Variants in MYO1E observed in about 807,000 individuals in gnomAD.
MYO1E encodes myosin IE, also known as unconventional myosin-Ie.
A neutral mutation model predicts 151.1 loss-of-function variants in MYO1E; 68 were observed. The observed-to-expected ratio is 0.45, with a 90% CI of 0.37 to 0.55. MYO1E has a LOEUF of 0.55. Among genes scored for constraint, MYO1E ranks in the 20% least tolerant of loss-of-function variants. The pLI, the probability that MYO1E is intolerant of heterozygous loss-of-function variation, is 0.00. For synonymous variants in MYO1E, 601 were observed against 501.7 expected (o/e 1.20, Z -2.64); for missense variants, 1,363 against 1,389.3 (o/e 0.98, Z 0.30).
intron 13 of MYO1E, 182 bp from the exon 14 acceptor site, chr15:59,209,030 C>T (rs1307517610): frequency 5.5e-6 from 4 of 724,860 alleles, no homozygotes; most frequent in Non-Finnish European, 9.2e-6. Flanking sequence ...CCACTTAGAT[C>T]TAAAGAGGGA....
chr15:59,305,520 T>A (rs566580395), intron 1 of MYO1E, among the ~76,000 whole-genome samples: 1 of 152,262 alleles, frequency 6.6e-6, no homozygotes, highest in South Asian at 2.1e-4. Context: ...TAAATGAAAC[T>A]TCTACTTAGA....
At chr15:59,310,859 T>C (rs1386099145) in intron 1 of MYO1E, among the ~76,000 whole-genome samples, 2 of 152,114 alleles carry the variant, frequency 1.3e-5, no homozygotes, top group Admixed American at 6.6e-5. Flanking sequence ...CTCAGAATTA[T>C]GGTTCTAAAG....
intron 12 of MYO1E, among the ~76,000 whole-genome samples, chr15:59,213,786 A>AC (rs1221806121): frequency 3.4e-4 from 52 of 152,340 alleles, no homozygotes; most frequent in Non-Finnish European, 5.6e-4. Flanking sequence ...AAGAAACTAT[A>AC]CCAAGGCATG....
At position 59,223,087 on chromosome 15, in the gene MYO1E, G is replaced by A; in HGVS notation, c.882C>T (p.Gly294=). ...HLGNISFKEV[G]NYAAVESEEF... ...CTTCACTCTCCACAGCCGCGTAGTT[G>A]CCAACTTCTTTGAAGCTGATGTTTC... Residue 294 remains glycine, a synonymous_variant, in exon 9 of 28, where the codon GGC becomes GGT. Transcript: ENST00000288235. 2 of 1,613,860 alleles carry A rather than the reference G, an allele frequency of 1.2e-6. No individual in the cohort carries two copies. The highest frequency in any genetic ancestry group is 2.2e-5 in the South Asian group (2 of 91,068).
At chr15:59,312,326 C>T (rs184967313) in intron 1 of MYO1E, among the ~76,000 whole-genome samples, 8 of 152,244 alleles carry the variant, frequency 5.3e-5, no homozygotes, top group African/African-American at 7.2e-5. Flanking sequence ...GAGAAAAGAT[C>T]GTGTGCACTA....
In MYO1E at chr15:59,303,412, C is replaced by CT. The variant is rs551127330; in HGVS notation, c.4-30964dup. Among the ~76,000 whole-genome samples, 7 of 152,192 alleles carry CT rather than the reference C, an allele frequency of 4.6e-5. No homozygotes were observed. The East Asian group carries it at 1.2e-3, about 25-fold the overall frequency. ...CTGGGCAACACAGTGAGACCCTTTC[C>CT]TAGCTACTGAGGAGGCTGAGGCAGG... On this transcript the variant is annotated intron_variant, in intron 1 of 27. Coordinates refer to ENST00000288235, the MANE Select transcript of MYO1E (RefSeq NM_004998.4).
At chr15:59,181,134 C>T (rs758469759) in intron 18 of MYO1E, among the ~76,000 whole-genome samples, 1 of 152,190 alleles carries the variant, frequency 6.6e-6, no homozygotes, top group African/African-American at 2.4e-5. Context: ...TCCACCACTC[C>T]GTGCTTTCCT....
At chr15:59,202,267 T>G (rs1048105487) in intron 16 of MYO1E, 59 bp downstream of exon 16, 107 of 1,482,450 alleles carry the variant, frequency 7.2e-5, no homozygotes, top group Non-Finnish European at 9.9e-5. Flanking sequence ...TGCAGTTCCT[T>G]ACTCCTAGAA....
At chr15:59,245,155 GC>G (rs1450349131) in intron 4 of MYO1E, among the ~76,000 whole-genome samples, 1 of 152,162 alleles carries the variant, frequency 6.6e-6, no homozygotes, top group Non-Finnish European at 1.5e-5. Flanking sequence ...ACTCAGGAGA[GC>G]CCTGAAAAGC....
At chr15:59,323,278 A>C (rs1232686188) in intron 1 of MYO1E, among the ~76,000 whole-genome samples, 1 of 152,020 alleles carries the variant, frequency 6.6e-6, no homozygotes, top group Non-Finnish European at 1.5e-5. Flanking sequence ...AACTAAACCA[A>C]TGGTTTTGAT....
At chr15:59,334,692 G>A (rs2080718019) in intron 1 of MYO1E, among the ~76,000 whole-genome samples, 1 of 152,186 alleles carries the variant, frequency 6.6e-6, no homozygotes, top group Non-Finnish European at 1.5e-5. Context: ...GTCTCTGAAA[G>A]ACGATTATAC....
intron 2 of MYO1E, chr15:59,264,770 T>G (rs934188573): frequency 6.6e-6 from 1 of 152,270 alleles, no homozygotes; most frequent in Non-Finnish European, 1.5e-5. Context: ...CCTGTAGTCC[T>G]AGCACTTCGG....
intron 1 of MYO1E, among the ~76,000 whole-genome samples, chr15:59,301,676 T>C (rs1262125902): frequency 6.6e-6 from 1 of 152,208 alleles, no homozygotes. Context: ...TATTCTGCCA[T>C]GACCTGGCAG....
rs539942203 is a variant in MYO1E, at chr15:59,205,329, A to C, written c.1616+71T>G. On this transcript the variant is annotated intron_variant, in intron 15 of 27. Transcript: ENST00000288235. ...AGGAACACACCACCACACCCAGCTC[A>C]TAAGTTTGTTTTCATATTGAAAATT... 3.0e-5 allele frequency: 44 copies of C among 1,455,566 alleles called. No individual in the cohort carries two copies. The Middle Eastern group carries it at 8.6e-4, about 28-fold the overall frequency. 90.2% of individuals were successfully genotyped at this position (1,455,566 alleles called of 1,614,324 possible). A position where few individuals can be genotyped will look rare whatever the true frequency, so the allele number is the denominator to read the frequency against.
intron 1 of MYO1E, among the ~76,000 whole-genome samples, chr15:59,313,053 G>A (rs559701332): frequency 1.3e-5 from 2 of 152,234 alleles, no homozygotes; most frequent in African/African-American, 4.8e-5. Flanking sequence ...TGGGGGTGGG[G>A]CCCAGCAATC....
chr15:59,225,193 T>C (rs756843486), intron 7 of MYO1E, among the ~76,000 whole-genome samples: 7 of 152,242 alleles, frequency 4.6e-5, no homozygotes, highest in Non-Finnish European at 8.8e-5. Flanking sequence ...AAAACTGCCA[T>C]GCAGCTTCCT....
At chr15:59,221,553 T>C (rs2079956637) in intron 9 of MYO1E, among the ~76,000 whole-genome samples, 1 of 152,114 alleles carries the variant, frequency 6.6e-6, no homozygotes, top group Non-Finnish European at 1.5e-5. Flanking sequence ...TATTACCAAA[T>C]GAACAAAACC....
At chr15:59,329,224 A>C (rs2080684436) in intron 1 of MYO1E, among the ~76,000 whole-genome samples, 1 of 152,214 alleles carries the variant, frequency 6.6e-6, no homozygotes, top group African/African-American at 2.4e-5. Context: ...CTTACAATCT[A>C]GTAAAGACTC....
At position 59,161,149 on chromosome 15, in the gene MYO1E, A is replaced by G; in HGVS notation, c.2709T>C (p.Phe903=). The G allele has an allele frequency of 1.2e-6, 2 of 1,614,102 alleles. No individual in the cohort carries two copies. The highest frequency in any genetic ancestry group is 1.7e-6 in the Non-Finnish European group (2 of 1,180,024). ...TGGGCTTGAGGACAGCCAGGTCCCCAAACCCTTGGTGGAACTGCACTTGCC... is the reference window on the plus strand; with the variant it reads ...TGGGCTTGAGGACAGCCAGGTCCCCGAACCCTTGGTGGAACTGCACTTGCC... ...GSRQVQFHQG[F]GDLAVLKPSN... Residue 903 remains phenylalanine (F), a synonymous_variant, in exon 24 of 28, where the codon TTT becomes TTC. Coordinates refer to ENST00000288235, the MANE Select transcript of MYO1E (RefSeq NM_004998.4).
Sources: gnomAD v4.1 joint callset for allele counts (sites outside exome capture counted in the v4.1 genomes callset) on GRCh38, gnomAD v4.1.1 for gene constraint, MANE v1.5 for transcripts, NCBI Gene and HGNC (gene_info 2026-07-23, HGNC 2026-07-21) for gene names.